SLC39A10: variants seen among roughly 807,000 people sequenced by gnomAD.
The protein encoded by SLC39A10 is zinc transporter ZIP10.
A neutral mutation model predicts 65.1 loss-of-function variants in SLC39A10; 13 were observed. The observed-to-expected ratio is 0.20, with a 90% CI of 0.13 to 0.32. The LOEUF (loss-of-function observed/expected upper bound fraction) is 0.32. Among genes scored for constraint, SLC39A10 ranks in the 10% least tolerant of loss-of-function variants. SLC39A10 has a pLI of 1.00. For synonymous variants in SLC39A10, 321 were observed against 342.2 expected, an observed-to-expected ratio of 0.94 and a Z score of 0.68; for missense variants, 831 against 1,018.4, an observed-to-expected ratio of 0.82 and a Z score of 2.50.
intron 6 of SLC39A10, among the ~76,000 whole-genome samples, chr2:195,715,195 A>G (rs1433351834): frequency 1.3e-5 from 2 of 152,240 alleles, no homozygotes; most frequent in Non-Finnish European, 2.9e-5. Flanking sequence ...TCTCTTTTAT[A>G]TACTTACCTG....
chr2:195,662,203 G>A (rs1050452554), intron 1 of SLC39A10, among the ~76,000 whole-genome samples: 2 of 151,732 alleles, frequency 1.3e-5, no homozygotes, highest in Non-Finnish European at 2.9e-5. Flanking sequence ...TTGAATAAAG[G>A]AAGAAGAAAA....
intron 3 of SLC39A10, among the ~76,000 whole-genome samples, chr2:195,693,910 T>G (rs1690842146): frequency 6.6e-6 from 1 of 152,212 alleles, no homozygotes; most frequent in South Asian, 2.1e-4. Flanking sequence ...CTATTTGTGC[T>G]CTTTCAGACT....
chr2:195,647,693 TCCACCACCACCA>T lies in SLC39A10; in HGVS notation c.-11-32322_-11-32311del, dbSNP rs61694088. Among the ~76,000 whole-genome samples, 265 of 149,742 alleles carry T rather than the reference TCCACCACCACCA, an allele frequency of 1.8e-3. 1 individual carries two copies. The highest frequency in any genetic ancestry group is 6.1e-3 in the African/African-American group (249 of 40,644). ...ACTGTAATTATCTCTTTAATTACCA[TCCACCACCACCA>T]CCACCACCACCACCACGAGACTACA... is the stretch of plus-strand genomic sequence containing the variant. On this transcript the variant is annotated intron_variant, in intron 2 of 2. Transcript: ENST00000458054.
At chr2:195,708,437 C>T (rs1319192915) in intron 4 of SLC39A10, among the ~76,000 whole-genome samples, 1 of 152,124 alleles carries the variant, frequency 6.6e-6, no homozygotes. Flanking sequence ...TAGCATTTGA[C>T]TTGGTGTCTT....
At chr2:195,662,981 C>T (rs1689466412) in intron 1 of SLC39A10, among the ~76,000 whole-genome samples, 1 of 152,154 alleles carries the variant, frequency 6.6e-6, no homozygotes, top group Non-Finnish European at 1.5e-5. Flanking sequence ...TTTTCCTCTG[C>T]AGAGGGAATT....
intron 1 of SLC39A10, among the ~76,000 whole-genome samples, chr2:195,671,230 A>G (rs1224874953): frequency 1.3e-5 from 2 of 152,256 alleles, no homozygotes; most frequent in Non-Finnish European, 1.5e-5. Context: ...AATTAGCACA[A>G]TGATTAAGTT....
Position 195,680,165 on chromosome 2 carries a change from T to C in SLC39A10, c.123T>C (p.Arg41=). Residue 41 remains arginine (R), a synonymous_variant, in exon 2 of 10, where the codon CGT becomes CGC. Transcript: ENST00000359634. ...CTGAAGCGCTTCACAGACAGCATCG[T>C]GGAATGACAGAATTGGAGCCAAGCA... ...HGPEALHRQH[R]GMTELEPSKF... is the part of the protein sequence containing the mutation. 6.2e-7 allele frequency: 1 copy of C among 1,614,028 alleles called. No homozygotes were observed. Among genetic ancestry groups the C allele is most frequent in the Non-Finnish European group, 8.5e-7 (1 of 1,180,014 alleles).
In SLC39A10 at chr2:195,728,223, C is replaced by G. The variant is rs373049656; in HGVS notation, c.2211C>G (p.Leu737=). Residue 737 remains leucine (L), a synonymous_variant, in exon 9 of 10, where the codon CTC becomes CTG. Transcript: ENST00000359634. The surrounding 1 kb of genome is among the most constrained non-coding windows in gnomAD (Gnocchi z 4.4). The part of the protein sequence containing the change: ...TVKQAIVYNL[L]SAMMAYIGML... ...AGCAAGCAATTGTATACAACCTCCT[C>G]TCTGCCATGATGGCTTACATAGGCA... The G allele has an allele frequency of 1.5e-5, 24 of 1,613,924 alleles. No homozygotes were observed. The highest frequency in any genetic ancestry group is 1.9e-5 in the Non-Finnish European group (22 of 1,179,914).
Position 195,735,072 on chromosome 2 carries a change from A to G in SLC39A10, c.*31A>G, listed in dbSNP as rs768255121. 1 of 1,595,472 alleles carries G rather than the reference A, an allele frequency of 6.3e-7. No homozygotes were observed. The highest frequency in any genetic ancestry group is 8.5e-7 in the Non-Finnish European group (1 of 1,171,382). ...CCCAGTAATCACTGTTGATTACGAG[A>G]ATGTTACCATGCAGCTTTGCATCTG... On this transcript the variant is annotated 3_prime_UTR_variant, in exon 10 of 10. Transcript: ENST00000359634.
At chr2:195,705,896 C>T (rs964888662) in intron 3 of SLC39A10, among the ~76,000 whole-genome samples, 1 of 152,110 alleles carries the variant, frequency 6.6e-6, no homozygotes, top group Non-Finnish European at 1.5e-5. Context: ...CCTTCCCCAC[C>T]ATACCTATTT....
chr2:195,726,116 C>G (rs942915465), intron 8 of SLC39A10, among the ~76,000 whole-genome samples: 1 of 152,100 alleles, frequency 6.6e-6, no homozygotes, highest in African/African-American at 2.4e-5. Flanking sequence ...GAAAATAGTT[C>G]GCCTTGAATC....
chr2:195,713,394 T>G, intron 5 of SLC39A10, 39 bp from the exon 6 acceptor site: 1 of 1,467,222 alleles, frequency 6.8e-7, no homozygotes, highest in South Asian at 1.4e-5. Context: ...TCCTCACATT[T>G]TATACTAATA....
intron 6 of SLC39A10, 93 bp downstream of exon 6, chr2:195,713,646 A>C: frequency 1.5e-6 from 2 of 1,336,590 alleles, no homozygotes; most frequent in Non-Finnish European, 2.0e-6. Flanking sequence ...ATTCAATCTG[A>C]AATTAAATAA....
At chr2:195,720,056 C>T (rs551411875) in intron 8 of SLC39A10, among the ~76,000 whole-genome samples, 1 of 152,008 alleles carries the variant, frequency 6.6e-6, no homozygotes, top group African/African-American at 2.4e-5. Flanking sequence ...TCCCAAAGTC[C>T]TGGGATTACA....
chr2:195,704,884 G>T (rs904813237), intron 3 of SLC39A10, among the ~76,000 whole-genome samples: 1 of 151,972 alleles, frequency 6.6e-6, no homozygotes, highest in Non-Finnish European at 1.5e-5. Flanking sequence ...TGGAACCTCC[G>T]CTGCCCAAGC....
intron 1 of SLC39A10, among the ~76,000 whole-genome samples, chr2:195,678,426 G>C (rs940447477): frequency 2.0e-5 from 3 of 152,016 alleles, no homozygotes; most frequent in African/African-American, 7.2e-5. Flanking sequence ...TGAAGTGCTT[G>C]TTCAAGTTAC....
intron 5 of SLC39A10, among the ~76,000 whole-genome samples, chr2:195,709,829 A>G (rs1691548294): frequency 6.6e-6 from 1 of 152,220 alleles, no homozygotes. Context: ...TTATTATAAA[A>G]ATGTGAAAGT....
chr2:195,692,561 C>T (rs1218629179), intron 3 of SLC39A10, among the ~76,000 whole-genome samples: 1 of 151,990 alleles, frequency 6.6e-6, no homozygotes, highest in African/African-American at 2.4e-5. Flanking sequence ...GGTCTTTAAC[C>T]TACTTGGTTT....
At chr2:195,707,122 C>G (rs947868006) in intron 4 of SLC39A10, among the ~76,000 whole-genome samples, 1 of 152,026 alleles carries the variant, frequency 6.6e-6, no homozygotes, top group Non-Finnish European at 1.5e-5. Flanking sequence ...ATGATTATGC[C>G]TGTAGGTGGT....
Sources: allele counts gnomAD v4.1 joint callset (sites outside exome capture counted in the v4.1 genomes callset), GRCh38; gene constraint gnomAD v4.1.1; non-coding constraint Gnocchi (gnomAD v3.1); transcripts MANE v1.5; gene names NCBI Gene and HGNC (gene_info 2026-07-23, HGNC 2026-07-21).